Variants in MYH10 observed in about 807,000 individuals in gnomAD.
MYH10 encodes myosin heavy chain 10, also known as myosin-10.
Under a neutral mutation model 257.8 loss-of-function variants are expected in MYH10, and 55 were observed. The observed-to-expected ratio is 0.21, with a 90% CI of 0.17 to 0.27. The LOEUF is 0.27. Ranked by LOEUF, MYH10 falls within the 10% of genes least tolerant of loss-of-function variation. The pLI, the probability that MYH10 is intolerant of heterozygous loss-of-function variation, is 1.00. For missense variants in MYH10, 1,631 were observed against 2,500.6 expected, an observed-to-expected ratio of 0.65 and a Z score of 7.42; for synonymous variants, 854 against 921.7, an observed-to-expected ratio of 0.93 and a Z score of 1.33.
At chr17:8,543,539 A>G (rs568229111) in intron 13 of MYH10, among the ~76,000 whole-genome samples, 1 of 151,440 alleles carries the variant, frequency 6.6e-6, no homozygotes, top group East Asian at 1.9e-4. Flanking sequence ...CAGTGGCACA[A>G]TCTTGGCTCA....
intron 3 of MYH10, among the ~76,000 whole-genome samples, chr17:8,599,315 G>C (rs1336817166): frequency 1.3e-5 from 2 of 152,100 alleles, no homozygotes; most frequent in African/African-American, 4.8e-5. Flanking sequence ...TTGCTAAGTT[G>C]TATTAAATCA....
intron 7 of MYH10, among the ~76,000 whole-genome samples, chr17:8,565,393 TGGACC>T (rs2083132454): frequency 6.6e-6 from 1 of 152,196 alleles, no homozygotes; most frequent in South Asian, 2.1e-4. Context: ...ATTTAATCAA[TGGACC>T]TAATTATTTT....
chr17:8,603,285 C>T (rs552721771), intron 3 of MYH10, among the ~76,000 whole-genome samples: 4 of 152,322 alleles, frequency 2.6e-5, no homozygotes, highest in African/African-American at 9.6e-5. Context: ...GGGGCACACA[C>T]CCTTTGGTGC....
At chr17:8,542,086 C>CG in intron 14 of MYH10, 21 bp downstream of exon 14, 1 of 1,586,186 alleles carries the variant, frequency 6.3e-7, no homozygotes, top group Non-Finnish European at 8.6e-7. Flanking sequence ...TGAAAGACAG[C>CG]GAGCAAGTGA....
chr17:8,604,700 A>G (rs2084733279), intron 3 of MYH10, 126 bp downstream of exon 3: 1 of 667,580 alleles, frequency 1.5e-6, no homozygotes, highest in South Asian at 6.8e-5. Flanking sequence ...TCTACAATAA[A>G]CATTACTTTT....
intron 3 of MYH10, among the ~76,000 whole-genome samples, chr17:8,599,973 G>A (rs1403122171): frequency 1.3e-5 from 2 of 152,216 alleles, no homozygotes; most frequent in Non-Finnish European, 1.5e-5. Flanking sequence ...GAGGGGCAAG[G>A]AGGGACCCAG....
intron 11 of MYH10, among the ~76,000 whole-genome samples, chr17:8,547,733 T>C (rs1388727906): frequency 1.4e-5 from 2 of 146,802 alleles, no homozygotes; most frequent in Non-Finnish European, 3.0e-5. Context: ...ATATAATATA[T>C]ATGTATATTA....
At chr17:8,595,885 C>T (rs2084350743) in intron 3 of MYH10, among the ~76,000 whole-genome samples, 1 of 152,154 alleles carries the variant, frequency 6.6e-6, no homozygotes, top group Admixed American at 6.5e-5. Context: ...ATTAAATGTT[C>T]CTTTTCCTGA....
chr17:8,593,685 A>G (rs189338616), intron 3 of MYH10, among the ~76,000 whole-genome samples: 1 of 152,118 alleles, frequency 6.6e-6, no homozygotes, highest in Non-Finnish European at 1.5e-5. Context: ...TAATGAAAGA[A>G]GTCAAAGAAG....
intron 2 of MYH10, among the ~76,000 whole-genome samples, chr17:8,620,033 CAAAT>C (rs2085407578): frequency 1.3e-5 from 2 of 152,062 alleles, no homozygotes; most frequent in Admixed American, 1.3e-4. Flanking sequence ...CAGTAACTGA[CAAAT>C]CAAGCAGACA....
intron 6 of MYH10, 28 bp downstream of exon 6, chr17:8,576,615 A>C: frequency 8.4e-6 from 13 of 1,547,160 alleles, no homozygotes; most frequent in Non-Finnish European, 1.1e-5. Flanking sequence ...AACACTCAAG[A>C]CTAAGAAGCA....
In MYH10 at chr17:8,481,488, C is replaced by T. The variant is rs531060199; in HGVS notation, c.5176-78G>A. The T allele has an allele frequency of 3.1e-6, 4 of 1,286,796 alleles. No homozygotes were observed. The African/African-American group carries it at 4.4e-5, about 14-fold the overall frequency. The allele number at this position is 1,286,796 out of a possible 1,614,324, so 79.7% of individuals were successfully genotyped here. Reference sequence around the variant, plus strand: ...TGGAATCTGACAGTGCCTGGAGCTACAGCGACCTTGCTCCTGTCACTGTTT... The same window carrying T: ...TGGAATCTGACAGTGCCTGGAGCTATAGCGACCTTGCTCCTGTCACTGTTT... On this transcript the variant is annotated intron_variant, in intron 37 of 42. Transcript: ENST00000360416.
At chr17:8,478,495 T>C (rs1913086052) in intron 40 of MYH10, 49 bp from the exon 41 acceptor site, 2 of 1,565,524 alleles carry the variant, frequency 1.3e-6, no homozygotes, top group Non-Finnish European at 8.8e-7. Flanking sequence ...TGGTATTTTG[T>C]GTGGGAAAAA....
intron 2 of MYH10, among the ~76,000 whole-genome samples, chr17:8,612,743 CA>C (rs1316743566): frequency 6.6e-6 from 1 of 151,838 alleles, no homozygotes; most frequent in African/African-American, 2.4e-5. Context: ...CCCCGCTACT[CA>C]AGAGGCTGAG....
intron 25 of MYH10, among the ~76,000 whole-genome samples, chr17:8,509,050 C>A (rs1348530702): frequency 6.6e-6 from 1 of 152,218 alleles, no homozygotes; most frequent in African/African-American, 2.4e-5. Flanking sequence ...CTCACTGACT[C>A]ACCCAGAGCA....
chr17:8,539,016 C>A (rs927712437), intron 14 of MYH10, among the ~76,000 whole-genome samples: 3 of 152,002 alleles, frequency 2.0e-5, no homozygotes, highest in African/African-American at 7.3e-5. Flanking sequence ...ATCATGAGAG[C>A]GGGTCTGTCA....
intron 34 of MYH10, among the ~76,000 whole-genome samples, chr17:8,491,166 G>A (rs1482206520): frequency 5.6e-5 from 1 of 17,728 alleles, no homozygotes; most frequent in South Asian, 0.045. Flanking sequence ...TGGTGCTGCT[G>A]TGCACCCCCT....
intron 2 of MYH10, among the ~76,000 whole-genome samples, chr17:8,618,251 CT>C (rs149959575): frequency 1.4e-3 from 206 of 142,362 alleles, no homozygotes; most frequent in Middle Eastern, 3.7e-3. Flanking sequence ...TTCCTTTTTT[CT>C]TTTTTTTTTT....
At chr17:8,533,403 C>T (rs975499085) in intron 16 of MYH10, among the ~76,000 whole-genome samples, 5 of 152,174 alleles carry the variant, frequency 3.3e-5, no homozygotes, top group Non-Finnish European at 5.9e-5. Flanking sequence ...TCCTCCTGAG[C>T]TATGATTTTC....
Sources: gnomAD v4.1 joint callset for allele counts (sites outside exome capture counted in the v4.1 genomes callset) on GRCh38, gnomAD v4.1.1 for gene constraint, MANE v1.5 for transcripts, NCBI Gene and HGNC (gene_info 2026-07-23, HGNC 2026-07-21) for gene names.